The following SLC39A11 variants were observed in gnomAD, a reference collection of about 807,000 sequenced individuals.
The protein encoded by SLC39A11 is solute carrier family 39 member 11, also known as zinc transporter ZIP11.
Under a neutral mutation model 36.1 loss-of-function variants are expected in SLC39A11, and 33 were observed. That is an observed-to-expected ratio of 0.91 (90% CI 0.69 to 1.22). The LOEUF is 1.22. SLC39A11 is among the 50% of genes most tolerant of loss of function. The pLI is 0.00. For synonymous variants in SLC39A11, 166 were observed against 170.3 expected (o/e 0.97, Z 0.20); for missense variants, 432 against 430.3 (o/e 1.00, Z -0.03).
At chr17:72,934,386 C>T (rs1462557040) in intron 5 of SLC39A11, among the ~76,000 whole-genome samples, 2 of 152,158 alleles carry the variant, frequency 1.3e-5, no homozygotes. Flanking sequence ...ACTCTCGGGG[C>T]CGGGCACAGT....
At chr17:72,937,876 A>AC (rs2084872100) in intron 5 of SLC39A11, among the ~76,000 whole-genome samples, 1 of 152,110 alleles carries the variant, frequency 6.6e-6, no homozygotes, top group Non-Finnish European at 1.5e-5. Flanking sequence ...GCTGTAAGAG[A>AC]CCATATCATG....
chr17:72,683,366 C>T (rs929208294), intron 7 of SLC39A11, among the ~76,000 whole-genome samples: 17 of 144,514 alleles, frequency 1.2e-4, no homozygotes, highest in East Asian at 2.0e-4. Flanking sequence ...TACACGGTCT[C>T]GCCATCTCCT....
intron 5 of SLC39A11, among the ~76,000 whole-genome samples, chr17:72,904,560 T>C (rs1001900576): frequency 5.3e-5 from 8 of 152,124 alleles, no homozygotes; most frequent in Non-Finnish European, 1.2e-4. Context: ...AAGGGAGGGC[T>C]CGCCTCGCAG....
At chr17:72,693,909 G>A (rs912042668) in intron 7 of SLC39A11, among the ~76,000 whole-genome samples, 3 of 152,086 alleles carry the variant, frequency 2.0e-5, no homozygotes, top group African/African-American at 2.4e-5. Flanking sequence ...TGATCCACCC[G>A]CCTCGGCCTC....
rs910346034 is a variant in SLC39A11, at chr17:72,883,230, C to T, written c.431-33426G>A. 1.4e-4 allele frequency among the ~76,000 whole-genome samples: 22 copies of T among 152,198 alleles called. No individual in the cohort carries two copies. The East Asian group carries it at 2.1e-3, about 15-fold the overall frequency. On this transcript the variant is annotated intron_variant, in intron 5 of 9. Transcript: ENST00000255559. ...AAAACACAGCCAAGTCCATATTCTACGCAGAGCAGGCCTCCTACTGTTAAC... is the reference window on the plus strand; with the variant it reads ...AAAACACAGCCAAGTCCATATTCTATGCAGAGCAGGCCTCCTACTGTTAAC...
intron 4 of SLC39A11, among the ~76,000 whole-genome samples, chr17:72,984,117 T>C (rs1031291797): frequency 5.3e-5 from 8 of 151,974 alleles, no homozygotes; most frequent in Admixed American, 3.3e-4. Flanking sequence ...CAGAGCCACA[T>C]TGAAATAGAG....
intron 4 of SLC39A11, among the ~76,000 whole-genome samples, chr17:73,026,715 G>A (rs188931993): frequency 6.7e-4 from 102 of 151,982 alleles, no homozygotes; most frequent in African/African-American, 2.3e-3. Flanking sequence ...GTATTGATGC[G>A]ACGCTAACAT....
At chr17:72,915,631 C>T (rs954909096) in intron 5 of SLC39A11, among the ~76,000 whole-genome samples, 1 of 152,250 alleles carries the variant, frequency 6.6e-6, no homozygotes, top group African/African-American at 2.4e-5. Context: ...AGCCTTTCCC[C>T]TGCTACCTGT....
chr17:72,849,608 T>C, intron 6 of SLC39A11, 26 bp downstream of exon 6: 1 of 1,464,704 alleles, frequency 6.8e-7, no homozygotes. Flanking sequence ...AGGCAGTGGC[T>C]GTCACGCTCA....
intron 7 of SLC39A11, among the ~76,000 whole-genome samples, chr17:72,726,276 T>C (rs1042629468): frequency 1.3e-5 from 2 of 152,206 alleles, no homozygotes; most frequent in South Asian, 4.1e-4. Context: ...ATTAAAATGT[T>C]TCCATGTGAG....
chr17:72,989,597 G>C (rs150471465), intron 4 of SLC39A11, among the ~76,000 whole-genome samples: 343 of 152,192 alleles, frequency 2.3e-3, no homozygotes, highest in African/African-American at 7.9e-3. Flanking sequence ...ATTGTATTTG[G>C]GAAGTATGTT....
At chr17:72,878,537 CAT>C (rs762470018) in intron 5 of SLC39A11, among the ~76,000 whole-genome samples, 7 of 152,214 alleles carry the variant, frequency 4.6e-5, no homozygotes, top group Non-Finnish European at 8.8e-5. Flanking sequence ...TTTTGGCCAA[CAT>C]CCTTCAGACC....
intron 7 of SLC39A11, among the ~76,000 whole-genome samples, chr17:72,651,046 C>T (rs191496329): frequency 4.6e-5 from 7 of 152,248 alleles, no homozygotes; most frequent in Admixed American, 2.6e-4. Flanking sequence ...CATTGAGGTT[C>T]GTAGTTCCAG....
chr17:72,957,882 C>T (rs1287881083), intron 4 of SLC39A11, among the ~76,000 whole-genome samples: 1 of 151,224 alleles, frequency 6.6e-6, no homozygotes, highest in East Asian at 1.9e-4. Context: ...CCCAGCTATT[C>T]AGGAGGCTAA....
chr17:73,046,416 G>A (rs1288700561), intron 3 of SLC39A11, among the ~76,000 whole-genome samples: 1 of 152,148 alleles, frequency 6.6e-6, no homozygotes, highest in Non-Finnish European at 1.5e-5. Context: ...AAGGAGTGAT[G>A]GGGCAGAATC....
chr17:72,987,805 C>T lies in SLC39A11; in HGVS notation c.307-39930G>A, dbSNP rs1183432850. On this transcript the variant is annotated intron_variant, in intron 4 of 9. Coordinates refer to ENST00000255559, the MANE Select transcript of SLC39A11 (RefSeq NM_139177.4). Reference sequence around the variant, plus strand: ...TTGTTTTGGGAACAATCTCCCTCATCCACTCACCCATCCAAAAATGACACC... The same window carrying T: ...TTGTTTTGGGAACAATCTCCCTCATTCACTCACCCATCCAAAAATGACACC... Among the ~76,000 whole-genome samples, 3 of 152,120 alleles carry T rather than the reference C, an allele frequency of 2.0e-5. No homozygotes were observed. The East Asian group carries it at 5.8e-4, about 29-fold the overall frequency.
At chr17:72,954,763 C>T (rs897462553) in intron 4 of SLC39A11, among the ~76,000 whole-genome samples, 1 of 152,182 alleles carries the variant, frequency 6.6e-6, no homozygotes, top group Non-Finnish European at 1.5e-5. Context: ...CTTCTCTCCT[C>T]GGGAGCCCGG....
At chr17:72,744,993 C>T (rs2074870548) in intron 6 of SLC39A11, among the ~76,000 whole-genome samples, 1 of 152,156 alleles carries the variant, frequency 6.6e-6, no homozygotes, top group South Asian at 2.1e-4. Context: ...AGGTGCGCAC[C>T]ACCAGGCCTG....
At chr17:72,912,433 C>T in intron 5 of SLC39A11, among the ~76,000 whole-genome samples, 1 of 142,488 alleles carries the variant, frequency 7.0e-6, no homozygotes, top group African/African-American at 2.6e-5. Context: ...AGGACAATAT[C>T]TTTTTTTTTT....
Sources: gnomAD v4.1 joint callset for allele counts (sites outside exome capture counted in the v4.1 genomes callset) on GRCh38, gnomAD v4.1.1 for gene constraint, MANE v1.5 for transcripts, NCBI Gene and HGNC (gene_info 2026-07-23, HGNC 2026-07-21) for gene names.